Variants in ZMAT4 observed in about 807,000 individuals in gnomAD.
ZMAT4 encodes zinc finger matrin-type 4.
Under a neutral mutation model 28.7 loss-of-function variants are expected in ZMAT4, and 17 were observed. That is an observed-to-expected ratio of 0.59 (90% CI 0.41 to 0.89). The LOEUF (loss-of-function observed/expected upper bound fraction) is 0.89. ZMAT4 is among the 40% of genes least tolerant of loss of function. The pLI is 0.00. For synonymous variants in ZMAT4, 117 were observed against 109.2 expected (o/e 1.07, Z -0.44); for missense variants, 240 against 283.8 (o/e 0.85, Z 1.11).
intron 5 of ZMAT4, among the ~76,000 whole-genome samples, chr8:40,600,341 T>C (rs1805257205): frequency 6.6e-6 from 1 of 152,242 alleles, no homozygotes. Context: ...TCAGATATTC[T>C]GTTATTCTGA....
At chr8:40,657,152 TC>T in intron 5 of ZMAT4, among the ~76,000 whole-genome samples, 1 of 152,268 alleles carries the variant, frequency 6.6e-6, no homozygotes, top group African/African-American at 2.4e-5. Flanking sequence ...CACCTCAGTT[TC>T]CCAAGTAGCT....
At chr8:40,637,094 A>T (rs941476347) in intron 5 of ZMAT4, among the ~76,000 whole-genome samples, 24 of 148,870 alleles carry the variant, frequency 1.6e-4, no homozygotes, top group African/African-American at 4.0e-4. Context: ...AATAGATTTT[A>T]AAAAAAAAAA....
chr8:40,721,133 C>T (rs36198071), intron 3 of ZMAT4, among the ~76,000 whole-genome samples: 11,445 of 119,162 alleles, frequency 0.096, 768 homozygotes, highest in Middle Eastern at 0.2. Flanking sequence ...CCCCCCTCCC[C>T]CCACCCCACC....
intron 3 of ZMAT4, among the ~76,000 whole-genome samples, chr8:40,728,784 A>G (rs1197155986): frequency 3.9e-5 from 6 of 152,234 alleles, no homozygotes; most frequent in African/African-American, 1.2e-4. Context: ...ATAACCATTC[A>G]GAACAAGACG....
At chr8:40,867,117 T>TC (rs1440264568) in intron 1 of ZMAT4, among the ~76,000 whole-genome samples, 4 of 152,156 alleles carry the variant, frequency 2.6e-5, no homozygotes, top group Non-Finnish European at 5.9e-5. Flanking sequence ...GCAATGGATT[T>TC]CCCCCTAGAC....
intron 5 of ZMAT4, among the ~76,000 whole-genome samples, chr8:40,640,057 G>T (rs1806952724): frequency 6.6e-6 from 1 of 152,084 alleles, no homozygotes. Flanking sequence ...GTTCACTGTA[G>T]CCTCAAACCC....
chr8:40,628,862 A>G (rs1163118279), intron 5 of ZMAT4, among the ~76,000 whole-genome samples: 2 of 152,186 alleles, frequency 1.3e-5, no homozygotes, highest in Non-Finnish European at 2.9e-5. Flanking sequence ...GATCTCTACT[A>G]TACAGAATCA....
In ZMAT4 at chr8:40,617,176, A is replaced by G. The variant is rs375343253; in HGVS notation, c.578-35915T>C. ...CATATTCTTTATATTATATATTGTT[A>G]ACAAAAAGTGTAAAAATACAGAGTA... On this transcript the variant is annotated intron_variant, in intron 5 of 6. Coordinates refer to ENST00000297737, the MANE Select transcript of ZMAT4 (RefSeq NM_024645.3). Among the ~76,000 whole-genome samples, 117 of 152,292 alleles carry G rather than the reference A, an allele frequency of 7.7e-4. No individual in the cohort carries two copies. The South Asian group carries it at 0.018, about 24-fold the overall frequency.
intron 5 of ZMAT4, among the ~76,000 whole-genome samples, chr8:40,592,624 A>T (rs2599683): frequency 0.28 from 43,266 of 152,140 alleles, 6,427 homozygotes; most frequent in East Asian, 0.38. Flanking sequence ...CTAGGGAATA[A>T]ATTTATTCTC....
chr8:40,653,809 G>C (rs1158253690), intron 5 of ZMAT4, among the ~76,000 whole-genome samples: 1 of 152,094 alleles, frequency 6.6e-6, no homozygotes, highest in African/African-American at 2.4e-5. Context: ...AGACTGGATG[G>C]CTTCATTGGT....
At chr8:40,854,351 T>C (rs1360942492) in intron 1 of ZMAT4, among the ~76,000 whole-genome samples, 5 of 152,242 alleles carry the variant, frequency 3.3e-5, no homozygotes, top group East Asian at 1.9e-4. Flanking sequence ...GAAATTCCTA[T>C]AGAGAGTGAA....
At position 40,837,271 on chromosome 8, in the gene ZMAT4, C is replaced by T. The variant is rs538507569; in HGVS notation, c.-4-11591G>A. Among the ~76,000 whole-genome samples the T allele has an allele frequency of 6.9e-4, 105 of 152,252 alleles. 1 individual carries two copies. The highest frequency in any genetic ancestry group is 2.3e-3 in the African/African-American group (96 of 41,544). On this transcript the variant is annotated intron_variant, in intron 1 of 6. Coordinates refer to ENST00000297737, the MANE Select transcript of ZMAT4 (RefSeq NM_024645.3). ...ACCTCCTCTCCTTCTGCAGGCTGGA[C>T]GTTGCAGTCCTGCTCAACTTTGGAA...
chr8:40,707,372 G>C (rs1810406312), intron 3 of ZMAT4, among the ~76,000 whole-genome samples: 1 of 152,288 alleles, frequency 6.6e-6, no homozygotes, highest in Middle Eastern at 3.4e-3. Context: ...AAGTTTAAAA[G>C]AGCAGATTCA....
Position 40,620,092 on chromosome 8 carries a change from T to G in ZMAT4, c.578-38831A>C, listed in dbSNP as rs896046769. Among the ~76,000 whole-genome samples the G allele has an allele frequency of 7.9e-5, 12 of 152,336 alleles. 3 individuals carry two copies. The highest frequency in any genetic ancestry group is 7.8e-4 in the Admixed American group (12 of 15,304). On this transcript the variant is annotated intron_variant, in intron 5 of 6. Transcript: ENST00000297737. ...CATGAAAAATAAATCTAGATTTTTC[T>G]CACTAGCCGTGTAGGGTTCTCAGAG... is the stretch of plus-strand genomic sequence containing the variant.
At chr8:40,566,290 G>C (rs1803921507) in intron 6 of ZMAT4, among the ~76,000 whole-genome samples, 1 of 152,096 alleles carries the variant, frequency 6.6e-6, no homozygotes, top group Admixed American at 6.6e-5. Context: ...TTTATACTGG[G>C]TTTCTTTAGA....
chr8:40,897,214 A>T (rs1252273121), intron 1 of ZMAT4, among the ~76,000 whole-genome samples: 1 of 152,150 alleles, frequency 6.6e-6, no homozygotes, highest in Non-Finnish European at 1.5e-5. Flanking sequence ...AAGTTTGAGG[A>T]AGGACTCCAG....
At chr8:40,587,661 G>A (rs1804712465) in intron 5 of ZMAT4, among the ~76,000 whole-genome samples, 1 of 151,948 alleles carries the variant, frequency 6.6e-6, no homozygotes, top group Admixed American at 6.6e-5. Flanking sequence ...ATAATAAAAA[G>A]TATTAGATTA....
intron 1 of ZMAT4, among the ~76,000 whole-genome samples, chr8:40,869,822 C>G (rs1319233117): frequency 6.6e-6 from 1 of 152,184 alleles, no homozygotes; most frequent in Non-Finnish European, 1.5e-5. Context: ...ACCTGAGCAC[C>G]ATTAGCAGGG....
intron 1 of ZMAT4, among the ~76,000 whole-genome samples, chr8:40,849,591 CACA>C (rs1245450761): frequency 6.6e-6 from 1 of 152,150 alleles, no homozygotes; most frequent in Non-Finnish European, 1.5e-5. Context: ...CTCCGTCACC[CACA>C]ACATATCCCC....
Sources: allele counts gnomAD v4.1 joint callset (sites outside exome capture counted in the v4.1 genomes callset), GRCh38; gene constraint gnomAD v4.1.1; transcripts MANE v1.5; gene names NCBI Gene and HGNC (gene_info 2026-07-23, HGNC 2026-07-21).